KCNK13: variants seen among roughly 807,000 people sequenced by gnomAD.
KCNK13 encodes the protein potassium two pore domain channel subfamily K member 13, also known as potassium channel subfamily K member 13.
KCNK13 carries 12 observed loss-of-function variants against 23.4 expected under a neutral mutation model. The ratio of observed to expected loss-of-function variants is 0.51; its 90% CI spans 0.33 to 0.83. The LOEUF (loss-of-function observed/expected upper bound fraction) is 0.83. Among genes scored for constraint, KCNK13 ranks in the 40% least tolerant of loss-of-function variants. KCNK13 has a pLI of 0.02. For missense variants in KCNK13, 463 were observed against 556.3 expected (o/e 0.83, Z 1.69); for synonymous variants, 231 against 229.5 (o/e 1.01, Z -0.06).
rs958206237 is a variant in KCNK13 at position 90,184,211 on chromosome 14, C to T, written c.435C>T (p.Phe145=). The T allele has an allele frequency of 6.2e-7, 1 of 1,614,238 alleles. No individual in the cohort carries two copies. Among genetic ancestry groups the T allele is most frequent in the Admixed American group, 1.7e-5 (1 of 60,034 alleles). ...CSSTILFFNL[F]LERLITIIAY... is the part of the protein sequence containing the mutation. Reference sequence around the variant, plus strand: ...GCACCATCTTGTTCTTCAACCTCTTCCTGGAGCGCCTGATCACCATCATCG... The same window carrying T: ...GCACCATCTTGTTCTTCAACCTCTTTCTGGAGCGCCTGATCACCATCATCG... The change falls in exon 2 of 2, where the codon TTC becomes TTT. Residue 145 remains phenylalanine (F), a synonymous_variant. Transcript: ENST00000282146. This position sits in a 1 kb window ranked among gnomAD's most constrained non-coding sequence, Gnocchi z 5.6.
chr14:90,125,771 C>G (rs536788302), intron 1 of KCNK13, among the ~76,000 whole-genome samples: 1 of 152,028 alleles, frequency 6.6e-6, no homozygotes, highest in South Asian at 2.1e-4. Context: ...ACCTGTAATC[C>G]CAGCATTTTG....
intron 1 of KCNK13, among the ~76,000 whole-genome samples, chr14:90,072,476 G>A (rs1889087091): frequency 6.6e-6 from 1 of 152,172 alleles, no homozygotes; most frequent in Admixed American, 6.5e-5. Flanking sequence ...GGGTCTGATG[G>A]GTGGAGTCCC....
intron 1 of KCNK13, among the ~76,000 whole-genome samples, chr14:90,069,141 A>C (rs1889044795): frequency 7.0e-6 from 1 of 143,248 alleles, no homozygotes; most frequent in African/African-American, 2.6e-5. Context: ...GGTTCAAGCG[A>C]TTCTCTTGCC....
At chr14:90,078,510 A>C (rs1228762216) in intron 1 of KCNK13, among the ~76,000 whole-genome samples, 1 of 151,894 alleles carries the variant, frequency 6.6e-6, no homozygotes, top group Admixed American at 6.6e-5. Flanking sequence ...GAAAGAAAGA[A>C]AAAGAAAGAA....
intron 1 of KCNK13, among the ~76,000 whole-genome samples, chr14:90,139,245 C>T (rs76024397): frequency 0.012 from 1,761 of 152,280 alleles, 43 homozygotes; most frequent in African/African-American, 0.04. Flanking sequence ...TTGAATGCAG[C>T]TGGGGAGCGG....
chr14:90,132,904 T>C (rs906341024), intron 1 of KCNK13, among the ~76,000 whole-genome samples: 4 of 152,216 alleles, frequency 2.6e-5, no homozygotes, highest in African/African-American at 9.6e-5. Flanking sequence ...TTCCTGCCAC[T>C]TCACCTTTCC....
intron 1 of KCNK13, among the ~76,000 whole-genome samples, chr14:90,126,472 CGTGAT>C (rs1010738979): frequency 8.7e-5 from 13 of 149,398 alleles, no homozygotes; most frequent in Middle Eastern, 3.2e-3. Context: ...CGTGACGTGA[CGTGAT>C]GAGAATAGCA....
In KCNK13 at chr14:90,104,791, C is replaced by CTTTTTTTTTTTT. The variant is rs66511223; in HGVS notation, c.334+42259_334+42270dup. ...GGGATCAGCTACTTTCTTTTCTTTT[C>CTTTTTTTTTTTT]TTTTTTTTTTTTTTTTTTGAGAGAG... On this transcript the variant is annotated intron_variant, in intron 1 of 1. Transcript: ENST00000282146. Among the ~76,000 whole-genome samples the CTTTTTTTTTTTT allele has an allele frequency of 7.9e-5, 9 of 113,518 alleles. No individual in the cohort carries two copies. The East Asian group carries it at 1.8e-3, about 23-fold the overall frequency. The allele number at this position is 113,518 out of a possible 152,430, so 74.5% of individuals were successfully genotyped here.
chr14:90,121,808 C>T (rs1889742578), intron 1 of KCNK13, among the ~76,000 whole-genome samples: 2 of 152,236 alleles, frequency 1.3e-5, no homozygotes, highest in Middle Eastern at 3.4e-3. Context: ...CAACCTCTGC[C>T]TCCCAGGTTC....
At chr14:90,126,016 C>T (rs969484635) in intron 1 of KCNK13, among the ~76,000 whole-genome samples, 8 of 81,688 alleles carry the variant, frequency 9.8e-5, no homozygotes, top group East Asian at 3.6e-4. Context: ...CATAGTGAGA[C>T]GCTATTTAAA....
chr14:90,128,065 T>G (rs1045612374), intron 1 of KCNK13, among the ~76,000 whole-genome samples: 3 of 152,084 alleles, frequency 2.0e-5, no homozygotes, highest in Non-Finnish European at 4.4e-5. Flanking sequence ...CACAATAGGA[T>G]TGGAGGCAAT....
chr14:90,148,943 C>T (rs955938182), intron 1 of KCNK13, among the ~76,000 whole-genome samples: 4 of 152,182 alleles, frequency 2.6e-5, no homozygotes, highest in Admixed American at 2.0e-4. Flanking sequence ...GTGATGGTAA[C>T]ATCCAGTTGT....
At position 90,176,578 on chromosome 14, in the gene KCNK13, A is replaced by G. The variant is rs560911348; in HGVS notation, c.335-7533A>G. Among the ~76,000 whole-genome samples, 19 of 152,322 alleles carry G rather than the reference A, an allele frequency of 1.2e-4. No homozygotes were observed. The East Asian group carries it at 3.5e-3, about 28-fold the overall frequency. On this transcript the variant is annotated intron_variant, in intron 1 of 1. Transcript: ENST00000282146. ...GAGAAGGCTTAAACTGTTAGCATCA[A>G]AAAGATTGTGGGAAAGTATATGCAA...
At chr14:90,085,301 A>C (rs1889258796) in intron 1 of KCNK13, among the ~76,000 whole-genome samples, 1 of 151,822 alleles carries the variant, frequency 6.6e-6, no homozygotes, top group African/African-American at 2.4e-5. Context: ...ATGGTGTATA[A>C]TTTTTTTAAT....
chr14:90,062,548 G>C lies in KCNK13; in HGVS notation c.334+9G>C, dbSNP rs1386477128. The C allele has an allele frequency of 7.5e-6, 11 of 1,465,282 alleles. 1 individual carries two copies. In the South Asian group the frequency reaches 1.5e-4, roughly 21 times the overall value. The allele number at this position is 1,465,282 out of a possible 1,614,324, so 90.8% of individuals were successfully genotyped here. ...CGTCGTTTCCACCATAGGTAAGTGT[G>C]CTGGCCGGACTCGCTGACAACCTCC... On this transcript the variant is annotated intron_variant, in intron 1 of 1. Coordinates refer to ENST00000282146, the MANE Select transcript of KCNK13 (RefSeq NM_022054.4). The surrounding 1 kb of genome is among the most constrained non-coding windows in gnomAD (Gnocchi z 4.5).
chr14:90,107,975 C>T (rs1294169212), intron 1 of KCNK13: 12 of 722,784 alleles, frequency 1.7e-5, no homozygotes, highest in East Asian at 2.8e-5. Context: ...GCGGCTAAAG[C>T]AGATTGGAGT....
At chr14:90,160,103 T>C (rs370295038) in intron 1 of KCNK13, among the ~76,000 whole-genome samples, 13 of 152,242 alleles carry the variant, frequency 8.5e-5, no homozygotes, top group African/African-American at 3.1e-4. Context: ...ATACACAATT[T>C]AGAAAGAGAA....
chr14:90,149,446 T>G (rs941680731), intron 1 of KCNK13, among the ~76,000 whole-genome samples: 2 of 152,030 alleles, frequency 1.3e-5, no homozygotes, highest in African/African-American at 4.8e-5. Flanking sequence ...GCAAAGGAGG[T>G]GCAAAGGCAC....
At chr14:90,087,166 T>A (rs71460295) in intron 1 of KCNK13, among the ~76,000 whole-genome samples, 128 of 142,868 alleles carry the variant, frequency 9.0e-4, no homozygotes, top group African/African-American at 3.0e-3. Flanking sequence ...TTTTTTTTTT[T>A]ATTGAGATGG....
Sources: allele counts gnomAD v4.1 joint callset (sites outside exome capture counted in the v4.1 genomes callset), GRCh38; gene constraint gnomAD v4.1.1; non-coding constraint Gnocchi (gnomAD v3.1); transcripts MANE v1.5; gene names NCBI Gene and HGNC (gene_info 2026-07-23, HGNC 2026-07-21).